Variants in NGLY1 observed in about 807,000 individuals in gnomAD.
NGLY1 encodes N-glycanase 1.
Under a neutral mutation model 84.6 loss-of-function variants are expected in NGLY1, and 68 were observed. That is an observed-to-expected ratio of 0.80 (90% CI 0.66 to 0.98). The LOEUF (loss-of-function observed/expected upper bound fraction) is 0.98, where lower values mean the gene tolerates loss of function less well. NGLY1 is among the 50% of genes least tolerant of loss of function. NGLY1 has a pLI of 0.00. For synonymous variants in NGLY1, 280 were observed against 275.2 expected (o/e 1.02, Z -0.17); for missense variants, 779 against 770.2 (o/e 1.01, Z -0.14).
intron 10 of NGLY1, among the ~76,000 whole-genome samples, chr3:25,726,248 A>G (rs1043437686): frequency 9.2e-5 from 14 of 152,190 alleles, no homozygotes; most frequent in African/African-American, 3.4e-4. Flanking sequence ...ACATTCACCA[A>G]TCTTTACTAA....
At chr3:25,723,858 G>A (rs1055617830) in intron 10 of NGLY1, among the ~76,000 whole-genome samples, 3 of 152,130 alleles carry the variant, frequency 2.0e-5, no homozygotes, top group Non-Finnish European at 4.4e-5. Context: ...TGCTAGTAAA[G>A]TCAGAAATCA....
At position 25,759,475 on chromosome 3, in the gene NGLY1, C is replaced by A. The variant is rs181295866; in HGVS notation, c.492+4591G>T. Among the ~76,000 whole-genome samples, 317 of 152,056 alleles carry A rather than the reference C, an allele frequency of 2.1e-3. 2 individuals are homozygous for A. Among genetic ancestry groups the A allele is most frequent in the African/African-American group, 7.2e-3 (299 of 41,484 alleles). ...GAGTATTTTTATTTTCAATTTAATT[C>A]TTTTCAATCTGGAAATTACCTCATT... On this transcript the variant is annotated intron_variant, in intron 3 of 11. Transcript: ENST00000280700.
intron 2 of NGLY1, among the ~76,000 whole-genome samples, chr3:25,771,976 A>G (rs7624066): frequency 0.66 from 99,676 of 152,018 alleles, 38,767 homozygotes; most frequent in East Asian, 0.94. Context: ...TCATCAGCAA[A>G]CAGCAACAGT....
intron 2 of NGLY1, among the ~76,000 whole-genome samples, chr3:25,770,359 G>A (rs1269160996): frequency 6.6e-6 from 1 of 152,130 alleles, no homozygotes; most frequent in African/African-American, 2.4e-5. Context: ...ATGTTGTCCA[G>A]GGAGGTCTTG....
At chr3:25,754,369 A>G (rs1706921329) in intron 3 of NGLY1, among the ~76,000 whole-genome samples, 1 of 152,238 alleles carries the variant, frequency 6.6e-6, no homozygotes, top group Admixed American at 6.5e-5. Flanking sequence ...GGAACAGCAC[A>G]AAGGTAGATG....
intron 7 of NGLY1, chr3:25,735,060 T>TA (rs1705747946): frequency 5.8e-6 from 1 of 173,130 alleles, no homozygotes; most frequent in Non-Finnish European, 1.1e-5. Flanking sequence ...TTGGATCATA[T>TA]AAAAAAATTA....
At chr3:25,745,251 T>G (rs1706363433) in intron 4 of NGLY1, among the ~76,000 whole-genome samples, 1 of 152,222 alleles carries the variant, frequency 6.6e-6, no homozygotes, top group South Asian at 2.1e-4. Flanking sequence ...AACTTGATTT[T>G]TCATCTCATT....
chr3:25,741,600 T>C (rs189783773), intron 4 of NGLY1, among the ~76,000 whole-genome samples: 3 of 152,110 alleles, frequency 2.0e-5, no homozygotes, highest in African/African-American at 4.8e-5. Flanking sequence ...AATAAAAAAA[T>C]TAAATTTTCT....
intron 6 of NGLY1, chr3:25,736,462 G>T: frequency 7.3e-7 from 1 of 1,364,052 alleles, no homozygotes; most frequent in Non-Finnish European, 1.0e-6. Flanking sequence ...TTACTATCAT[G>T]AAGGAGTTAA....
Position 25,729,228 on chromosome 3 carries a change from G to T in NGLY1, c.1516C>A (p.Arg506=). 3 of 1,557,622 alleles carry T rather than the reference G, an allele frequency of 1.9e-6. No homozygotes were observed. The highest frequency in any genetic ancestry group is 2.6e-6 in the Non-Finnish European group (3 of 1,147,604). The change falls in exon 10 of 12, where the codon CGA becomes AGA. Residue 506 remains arginine, a synonymous_variant. Coordinates refer to ENST00000280700, the MANE Select transcript of NGLY1 (RefSeq NM_018297.4). ...CYNIVKDRYV[R]VSNNNQTISG... ...ATGGTTTGATTGTTATTTGAAACTC[G>T]AACATAACGATCTTTCACAATATTG...
intron 3 of NGLY1, among the ~76,000 whole-genome samples, chr3:25,758,560 A>G (rs1385068615): frequency 6.6e-6 from 1 of 152,236 alleles, no homozygotes; most frequent in Non-Finnish European, 1.5e-5. Flanking sequence ...CCTGAGCGAC[A>G]AAGTGAGACC....
Position 25,733,013 on chromosome 3 carries a change from G to A in NGLY1, c.1261-530C>T, listed in dbSNP as rs138776700. Among the ~76,000 whole-genome samples the A allele has an allele frequency of 8.7e-3, 1,332 of 152,288 alleles. 12 individuals are homozygous for A. The highest frequency in any genetic ancestry group is 0.012 in the Non-Finnish European group (847 of 68,032). On this transcript the variant is annotated intron_variant, in intron 8 of 11. Transcript: ENST00000280700. ...ATTAAGTGGCATGAGAAGAGGCTGA[G>A]AAGCCAAGGACAAAATAGTGACTAA...
intron 2 of NGLY1, among the ~76,000 whole-genome samples, chr3:25,774,584 T>C (rs535361754): frequency 1.2e-3 from 183 of 152,028 alleles, no homozygotes; most frequent in African/African-American, 4.2e-3. Context: ...AAGCCAGCAA[T>C]AACAGGCCAT....
At chr3:25,721,225 C>T (rs1214696341) in intron 10 of NGLY1, among the ~76,000 whole-genome samples, 1 of 152,062 alleles carries the variant, frequency 6.6e-6, no homozygotes, top group Non-Finnish European at 1.5e-5. Context: ...AACTACCATG[C>T]CTGGCTAATT....
intron 1 of NGLY1, among the ~76,000 whole-genome samples, chr3:25,780,733 G>A (rs1708375522): frequency 6.6e-6 from 1 of 151,678 alleles, no homozygotes. Context: ...ACAATCCTCT[G>A]CCTCAGCCTC....
At chr3:25,726,615 G>A (rs889944591) in intron 10 of NGLY1, among the ~76,000 whole-genome samples, 1 of 152,200 alleles carries the variant, frequency 6.6e-6, no homozygotes, top group Non-Finnish European at 1.5e-5. Flanking sequence ...GCAAGGGGTA[G>A]CACAGTGCAA....
At chr3:25,789,896 G>A in exon 1 of NGLY1, 1 of 1,551,640 alleles carries the variant, frequency 6.4e-7, no homozygotes. Flanking sequence ...GATTATCGGC[G>A]AGTCACTGAG....
intron 4 of NGLY1, among the ~76,000 whole-genome samples, chr3:25,740,351 T>C (rs1706068174): frequency 6.6e-6 from 1 of 152,132 alleles, no homozygotes; most frequent in South Asian, 2.1e-4. Flanking sequence ...ACCATATCTC[T>C]AGTATATATA....
intron 2 of NGLY1, among the ~76,000 whole-genome samples, chr3:25,769,815 T>G (rs1707808487): frequency 6.6e-6 from 1 of 152,148 alleles, no homozygotes; most frequent in African/African-American, 2.4e-5. Flanking sequence ...TTTATTTCAA[T>G]AGGTTTTTGG....
Sources: gnomAD v4.1 joint callset for allele counts (sites outside exome capture counted in the v4.1 genomes callset) on GRCh38, gnomAD v4.1.1 for gene constraint, MANE v1.5 for transcripts, NCBI Gene and HGNC (gene_info 2026-07-23, HGNC 2026-07-21) for gene names.